Variants in FMN1 observed in about 807,000 individuals in gnomAD.
FMN1 encodes the protein formin 1, also known as formin-1.
A neutral mutation model predicts 132.4 loss-of-function variants in FMN1; 110 were observed. That is an observed-to-expected ratio of 0.83 (90% confidence interval 0.71 to 0.97). The LOEUF is 0.97. Ranked by LOEUF, FMN1 falls within the 50% of genes least tolerant of loss-of-function variation. The pLI, the probability that FMN1 is intolerant of heterozygous loss-of-function variation, is 0.00. For missense variants in FMN1, 1,792 were observed against 1,705.3 expected (o/e 1.05, Z -0.90); for synonymous variants, 722 against 651.7 (o/e 1.11, Z -1.64).
chr15:32,989,558 G>GC (rs1002920170), intron 7 of FMN1, among the ~76,000 whole-genome samples: 21 of 151,856 alleles, frequency 1.4e-4, no homozygotes, highest in African/African-American at 2.9e-4. Flanking sequence ...CCCTTCACCC[G>GC]CCCCCCACCA....
chr15:33,024,025 G>C (rs544293149), intron 6 of FMN1, among the ~76,000 whole-genome samples: 174 of 152,018 alleles, frequency 1.1e-3, no homozygotes, highest in African/African-American at 4.0e-3. Flanking sequence ...TAAAATGTTA[G>C]CATCCAGAAT....
chr15:32,805,693 C>T (rs11631339), intron 17 of FMN1, among the ~76,000 whole-genome samples: 30,359 of 152,164 alleles, frequency 0.2, 3,923 homozygotes, highest in Admixed American at 0.28. Flanking sequence ...GGGTAGATCA[C>T]GACATGTGGT....
intron 17 of FMN1, among the ~76,000 whole-genome samples, chr15:32,847,057 C>T (rs2058873618): frequency 1.3e-5 from 2 of 152,158 alleles, no homozygotes; most frequent in South Asian, 2.1e-4. Context: ...GCAATTGCAG[C>T]TCCAGAGTCT....
chr15:32,822,331 C>CA (rs1204058375), intron 17 of FMN1, among the ~76,000 whole-genome samples: 5 of 152,066 alleles, frequency 3.3e-5, no homozygotes, highest in African/African-American at 1.2e-4. Flanking sequence ...GCCTGGGTGA[C>CA]AGAGTGAGAG....
At position 32,991,386 on chromosome 15, in the gene FMN1, T is replaced by A. The variant is rs2033424482; in HGVS notation, c.2223+16628A>T. 3.3e-5 allele frequency among the ~76,000 whole-genome samples: 5 copies of A among 152,332 alleles called. No individual in the cohort carries two copies. In the South Asian group the frequency reaches 1.0e-3, roughly 32 times the overall value. ...TCCTGCACCATCTACATCTACTGCATATTGATTCTCATATGCTGCATAGTA... is the reference window on the plus strand; with the variant it reads ...TCCTGCACCATCTACATCTACTGCAAATTGATTCTCATATGCTGCATAGTA... On this transcript the variant is annotated intron_variant, in intron 7 of 20. Transcript: ENST00000616417.
intron 17 of FMN1, among the ~76,000 whole-genome samples, chr15:32,829,684 CA>C (rs2058456146): frequency 6.6e-6 from 1 of 152,154 alleles, no homozygotes; most frequent in Non-Finnish European, 1.5e-5. Context: ...TCTCAGCTTA[CA>C]AAAGCAATAA....
chr15:32,902,942 G>C (rs1027090186), intron 12 of FMN1, among the ~76,000 whole-genome samples: 2 of 152,208 alleles, frequency 1.3e-5, no homozygotes, highest in African/African-American at 4.8e-5. Context: ...TGATATTTCT[G>C]AAAGTCTTGG....
chr15:33,054,284 A>G (rs1462207653), intron 6 of FMN1, among the ~76,000 whole-genome samples: 1 of 152,212 alleles, frequency 6.6e-6, no homozygotes, highest in African/African-American at 2.4e-5. Flanking sequence ...ACAACTAAAT[A>G]TACATTTCTG....
At chr15:33,173,588 AG>A (rs1416883630) in intron 3 of FMN1, among the ~76,000 whole-genome samples, 1 of 152,226 alleles carries the variant, frequency 6.6e-6, no homozygotes, top group African/African-American at 2.4e-5. Context: ...TGTGAGGAGG[AG>A]GATAGAGGAA....
intron 10 of FMN1, among the ~76,000 whole-genome samples, chr15:32,916,282 T>A (rs577306518): frequency 6.6e-6 from 1 of 152,310 alleles, no homozygotes; most frequent in Non-Finnish European, 1.5e-5. Flanking sequence ...TGCAGGATTC[T>A]CTCAGCTCTC....
intron 17 of FMN1, among the ~76,000 whole-genome samples, chr15:32,815,864 C>G (rs541989713): frequency 1.3e-5 from 2 of 152,316 alleles, no homozygotes; most frequent in South Asian, 2.1e-4. Flanking sequence ...TGTGGATTAA[C>G]AGTGGAGCCG....
intron 6 of FMN1, among the ~76,000 whole-genome samples, chr15:33,044,852 C>T (rs1213252289): frequency 6.6e-6 from 1 of 152,230 alleles, no homozygotes; most frequent in South Asian, 2.1e-4. Flanking sequence ...AGCTCCTCTA[C>T]ACCTTGCTCC....
chr15:33,028,832 C>T (rs1240493287), intron 6 of FMN1, among the ~76,000 whole-genome samples: 2 of 152,204 alleles, frequency 1.3e-5, no homozygotes, highest in Admixed American at 6.5e-5. Flanking sequence ...AACTCTAATA[C>T]AGAAACAAAA....
chr15:32,948,462 A>T (rs1340286679), intron 9 of FMN1, among the ~76,000 whole-genome samples: 1 of 151,912 alleles, frequency 6.6e-6, no homozygotes, highest in African/African-American at 2.4e-5. Context: ...CTATTATCTA[A>T]TATTTTGTGT....
intron 2 of FMN1, among the ~76,000 whole-genome samples, chr15:33,184,271 G>A (rs368706681): frequency 3.3e-5 from 5 of 152,020 alleles, no homozygotes; most frequent in African/African-American, 1.2e-4. Flanking sequence ...TCTTTGTAAC[G>A]TAATGCCTTA....
intron 4 of FMN1, among the ~76,000 whole-genome samples, chr15:33,121,511 T>C (rs114695923): frequency 1.8e-4 from 27 of 152,216 alleles, no homozygotes; most frequent in African/African-American, 6.3e-4. Flanking sequence ...GTAAAGTACA[T>C]AGTTGACAAG....
At chr15:33,023,294 C>G (rs889098317) in intron 6 of FMN1, among the ~76,000 whole-genome samples, 34 of 151,760 alleles carry the variant, frequency 2.2e-4, no homozygotes, top group African/African-American at 8.2e-4. Context: ...AGATCACGAG[C>G]CTTCAAGCCA....
intron 16 of FMN1, 85 bp downstream of exon 16, chr15:32,888,087 A>ATTC: frequency 8.1e-7 from 1 of 1,230,146 alleles, no homozygotes; most frequent in Non-Finnish European, 1.1e-6. Context: ...ATCCCACTCT[A>ATTC]TGAACCAGAC....
chr15:32,792,828 C>T (rs534833644), intron 19 of FMN1, among the ~76,000 whole-genome samples: 4 of 152,250 alleles, frequency 2.6e-5, no homozygotes, highest in South Asian at 2.1e-4. Context: ...CCCCCTTACA[C>T]GTTGGGAATA....
Sources: allele counts gnomAD v4.1 joint callset (sites outside exome capture counted in the v4.1 genomes callset), GRCh38; gene constraint gnomAD v4.1.1; transcripts MANE v1.5; gene names NCBI Gene and HGNC (gene_info 2026-07-23, HGNC 2026-07-21).